The following PLD5 variants were observed in gnomAD, a reference collection of about 807,000 sequenced individuals.
PLD5 encodes phospholipase D family member 5, also known as inactive phospholipase D5.
Under a neutral mutation model 61.1 loss-of-function variants are expected in PLD5, and 36 were observed. That is an observed-to-expected ratio of 0.59 (90% CI 0.45 to 0.78). The LOEUF (loss-of-function observed/expected upper bound fraction) is 0.78. Ranked by LOEUF, PLD5 falls within the 30% of genes least tolerant of loss-of-function variation. The probability of loss-of-function intolerance (pLI) is 0.00; values close to 1 mark genes in which losing one functional copy is unlikely to be tolerated. For missense variants in PLD5, 515 were observed against 644.4 expected, an observed-to-expected ratio of 0.80 and a Z score of 2.17; for synonymous variants, 243 against 242.8, an observed-to-expected ratio of 1.00 and a Z score of -0.01.
At chr1:242,090,566 A>C (rs1659741890) in intron 9 of PLD5, among the ~76,000 whole-genome samples, 1 of 152,232 alleles carries the variant, frequency 6.6e-6, no homozygotes, top group Admixed American at 6.5e-5. Context: ...CTGAAGCCAG[A>C]GGAGACTCAG....
chr1:242,499,233 T>C lies in PLD5; in HGVS notation c.189+24855A>G, dbSNP rs112007163. The stretch of plus-strand genomic sequence containing the variant: ...TTGCTCATTAATATCTTAGAGAAGA[T>C]GATTAAGGGAAAAGTTTGGACATAG... On this transcript the variant is annotated intron_variant, in intron 1 of 9. Coordinates refer to ENST00000536534, the MANE Select transcript of PLD5 (RefSeq NM_001372062.1). Among the ~76,000 whole-genome samples, 1,467 of 152,322 alleles carry C rather than the reference T, an allele frequency of 9.6e-3. 26 individuals are homozygous for C. Among genetic ancestry groups the C allele is most frequent in the African/African-American group, 0.034 (1,393 of 41,570 alleles).
intron 5 of PLD5, among the ~76,000 whole-genome samples, chr1:242,201,283 C>A (rs1424618894): frequency 6.6e-6 from 1 of 152,178 alleles, no homozygotes; most frequent in Admixed American, 6.5e-5. Context: ...GATGCTTGAG[C>A]TGCAACACTT....
chr1:242,389,132 T>C (rs779680056), intron 1 of PLD5, among the ~76,000 whole-genome samples: 5 of 151,752 alleles, frequency 3.3e-5, no homozygotes, highest in Non-Finnish European at 7.4e-5. Flanking sequence ...CCAGGCATAA[T>C]AACACGAGTC....
At chr1:242,254,586 C>T (rs1321142978) in intron 4 of PLD5, among the ~76,000 whole-genome samples, 1 of 152,122 alleles carries the variant, frequency 6.6e-6, no homozygotes, top group African/African-American at 2.4e-5. Flanking sequence ...AGAAGAATCG[C>T]TTGAAACTGG....
At chr1:242,186,458 T>TA (rs1667895983) in intron 5 of PLD5, among the ~76,000 whole-genome samples, 1 of 152,150 alleles carries the variant, frequency 6.6e-6, no homozygotes, top group Admixed American at 6.6e-5. Context: ...GCTGGGATTA[T>TA]AGGCATGAGC....
chr1:242,519,501 C>G (rs1669212055), intron 1 of PLD5, among the ~76,000 whole-genome samples: 1 of 152,116 alleles, frequency 6.6e-6, no homozygotes. Flanking sequence ...TATGATTTAC[C>G]AAATCTGTCT....
intron 7 of PLD5, among the ~76,000 whole-genome samples, chr1:242,112,669 T>C (rs1447956482): frequency 1.3e-5 from 2 of 152,170 alleles, no homozygotes; most frequent in Non-Finnish European, 2.9e-5. Context: ...TACTATGCAT[T>C]ATGTAGGGTT....
intron 9 of PLD5, among the ~76,000 whole-genome samples, chr1:242,095,153 T>C (rs1660125231): frequency 6.6e-6 from 1 of 151,866 alleles, no homozygotes; most frequent in South Asian, 2.1e-4. Flanking sequence ...ACCAGGATGG[T>C]CTCTATCTCC....
At chr1:242,309,816 A>G (rs1311466405) in intron 2 of PLD5, among the ~76,000 whole-genome samples, 2 of 150,358 alleles carry the variant, frequency 1.3e-5, no homozygotes, top group African/African-American at 2.4e-5. Flanking sequence ...ATTGCTCAAT[A>G]TAGATATTTT....
chr1:242,230,551 G>C (rs528837574), intron 4 of PLD5, among the ~76,000 whole-genome samples: 1 of 152,092 alleles, frequency 6.6e-6, no homozygotes, highest in Non-Finnish European at 1.5e-5. Flanking sequence ...AACCAGTACA[G>C]TTCAATCAAT....
At chr1:242,446,606 G>A (rs954901386) in intron 1 of PLD5, among the ~76,000 whole-genome samples, 1 of 152,114 alleles carries the variant, frequency 6.6e-6, no homozygotes, top group Non-Finnish European at 1.5e-5. Flanking sequence ...TTAACTCCCT[G>A]TCTGAGCAAC....
chr1:242,360,446 G>A (rs1319967893), intron 1 of PLD5, among the ~76,000 whole-genome samples: 1 of 151,684 alleles, frequency 6.6e-6, no homozygotes, highest in Non-Finnish European at 1.5e-5. Flanking sequence ...TTATTTTAAT[G>A]ATATTCATTG....
chr1:242,237,139 T>C (rs1316737010), intron 4 of PLD5, among the ~76,000 whole-genome samples: 1 of 152,132 alleles, frequency 6.6e-6, no homozygotes, highest in African/African-American at 2.4e-5. Flanking sequence ...CCTTTTTTTT[T>C]CTTTAAAAAT....
At chr1:242,134,162 C>A (rs1282322973) in intron 5 of PLD5, among the ~76,000 whole-genome samples, 1 of 152,178 alleles carries the variant, frequency 6.6e-6, no homozygotes, top group Non-Finnish European at 1.5e-5. Context: ...CATCCCACCC[C>A]ACTTAGGCAG....
At chr1:242,394,888 A>ATATATAT (rs1333846273) in intron 1 of PLD5, among the ~76,000 whole-genome samples, 1 of 74,624 alleles carries the variant, frequency 1.3e-5, no homozygotes, top group Non-Finnish European at 2.7e-5. Context: ...GAATATATGT[A>ATATATAT]TATATATGAT....
At chr1:242,399,318 C>A (rs924498369) in intron 1 of PLD5, among the ~76,000 whole-genome samples, 1 of 152,050 alleles carries the variant, frequency 6.6e-6, no homozygotes, top group African/African-American at 2.4e-5. Flanking sequence ...AAACAAATAA[C>A]GAAATCTCAT....
chr1:242,103,058 T>C (rs72761219), intron 8 of PLD5, among the ~76,000 whole-genome samples: 1 of 152,126 alleles, frequency 6.6e-6, no homozygotes, highest in East Asian at 1.9e-4. Flanking sequence ...TGGGTGGACA[T>C]GGACCCGTGA....
intron 5 of PLD5, among the ~76,000 whole-genome samples, chr1:242,192,818 T>C (rs1454314176): frequency 8.7e-6 from 1 of 115,236 alleles, no homozygotes; most frequent in African/African-American, 3.1e-5. Context: ...GAGGGAATGC[T>C]TGGGGTCTCT....
intron 9 of PLD5, among the ~76,000 whole-genome samples, chr1:242,095,129 G>A (rs994183453): frequency 1.3e-5 from 2 of 151,490 alleles, no homozygotes. Context: ...GTAGAGACGG[G>A]GTTTCACATT....
Sources: gnomAD v4.1 joint callset for allele counts (sites outside exome capture counted in the v4.1 genomes callset) on GRCh38, gnomAD v4.1.1 for gene constraint, MANE v1.5 for transcripts, NCBI Gene and HGNC (gene_info 2026-07-23, HGNC 2026-07-21) for gene names.